The following MEGF11 variants were observed in gnomAD, a reference collection of about 807,000 sequenced individuals.
MEGF11 encodes the protein multiple EGF like domains 11.
MEGF11 carries 126 observed loss-of-function variants against 146.6 expected under a neutral mutation model. The observed-to-expected ratio is 0.86, with a 90% CI of 0.74 to 1.00. The LOEUF (loss-of-function observed/expected upper bound fraction) is 1.00, where lower values mean the gene tolerates loss of function less well. MEGF11 is among the 50% of genes least tolerant of loss of function. MEGF11 has a pLI of 0.00. For missense variants in MEGF11, 1,509 were observed against 1,521.2 expected (o/e 0.99, Z 0.13); for synonymous variants, 532 against 583.4 (o/e 0.91, Z 1.27).
At chr15:66,243,195 G>A (rs1378376934) in intron 1 of MEGF11, among the ~76,000 whole-genome samples, 1 of 152,222 alleles carries the variant, frequency 6.6e-6, no homozygotes, top group Non-Finnish European at 1.5e-5. Context: ...GGCCGGAGAA[G>A]CTGATTCCTG....
At chr15:66,065,479 G>A (rs1021530660) in intron 5 of MEGF11, among the ~76,000 whole-genome samples, 9 of 152,256 alleles carry the variant, frequency 5.9e-5, no homozygotes, top group African/African-American at 1.4e-4. Flanking sequence ...ACTGGGGTCC[G>A]CACTGGTTGG....
At chr15:66,238,376 T>C (rs944648100) in intron 1 of MEGF11, among the ~76,000 whole-genome samples, 5 of 152,188 alleles carry the variant, frequency 3.3e-5, no homozygotes, top group African/African-American at 9.6e-5. Flanking sequence ...AAAAAGAAAA[T>C]GCATGTGTTG....
chr15:65,925,268 G>A (rs75299678), intron 13 of MEGF11, among the ~76,000 whole-genome samples: 5,308 of 152,238 alleles, frequency 0.035, 139 homozygotes, highest in Middle Eastern at 0.085. Flanking sequence ...TGTCAAAAGG[G>A]GTCCTCATTT....
rs143041177 is a variant in MEGF11, at chr15:66,108,527, G to C, written c.301+10559C>G. Among the ~76,000 whole-genome samples the C allele has an allele frequency of 4.3e-3, 660 of 152,302 alleles. 11 individuals are homozygous for C. Among genetic ancestry groups the C allele is most frequent in the South Asian group, 0.034 (163 of 4,820 alleles). On this transcript the variant is annotated intron_variant, in intron 4 of 25. Transcript: ENST00000395614. Reference sequence around the variant, plus strand: ...TAAGAGGGTATAGAAAGATGTCAGGGAGGAGGCCGCCATTGCAGACGGGGC... The same window carrying C: ...TAAGAGGGTATAGAAAGATGTCAGGCAGGAGGCCGCCATTGCAGACGGGGC...
chr15:65,959,526 A>G (rs1220179033), intron 9 of MEGF11, among the ~76,000 whole-genome samples: 1 of 152,234 alleles, frequency 6.6e-6, no homozygotes, highest in Non-Finnish European at 1.5e-5. Context: ...ATCTGAGGCT[A>G]CATATCAGGA....
At chr15:66,169,108 C>G (rs1375434001) in intron 1 of MEGF11, among the ~76,000 whole-genome samples, 1 of 152,230 alleles carries the variant, frequency 6.6e-6, no homozygotes, top group African/African-American at 2.4e-5. Context: ...TGTTAGACTG[C>G]ACTATCTGGT....
At chr15:66,248,646 T>G (rs755500782) in intron 1 of MEGF11, among the ~76,000 whole-genome samples, 1 of 152,248 alleles carries the variant, frequency 6.6e-6, no homozygotes, top group Non-Finnish European at 1.5e-5. Context: ...GTCTCAACAT[T>G]ACTGACCAGG....
intron 4 of MEGF11, among the ~76,000 whole-genome samples, chr15:66,102,433 C>CT (rs753433380): frequency 0.017 from 2,273 of 130,322 alleles, 78 homozygotes; most frequent in African/African-American, 0.051. Flanking sequence ...TAAACATTTT[C>CT]TTTTTTTTTT....
At chr15:66,083,948 T>A (rs1403928936) in intron 5 of MEGF11, among the ~76,000 whole-genome samples, 1 of 152,194 alleles carries the variant, frequency 6.6e-6, no homozygotes, top group African/African-American at 2.4e-5. Context: ...AAAATGACAC[T>A]ATCAACAGAG....
chr15:66,067,368 C>A (rs902109189), intron 5 of MEGF11, among the ~76,000 whole-genome samples: 2 of 152,238 alleles, frequency 1.3e-5, no homozygotes, highest in African/African-American at 4.8e-5. Flanking sequence ...ACATCTGTCA[C>A]CTTATTAGAG....
At chr15:66,188,895 G>A (rs761673678) in intron 1 of MEGF11, among the ~76,000 whole-genome samples, 1 of 152,160 alleles carries the variant, frequency 6.6e-6, no homozygotes, top group Non-Finnish European at 1.5e-5. Context: ...GCAGGGCTGG[G>A]CAAAGTTGCC....
At chr15:66,056,814 G>A (rs549608858) in intron 5 of MEGF11, among the ~76,000 whole-genome samples, 3 of 152,150 alleles carry the variant, frequency 2.0e-5, no homozygotes, top group South Asian at 2.1e-4. Flanking sequence ...TGACAGCGTC[G>A]GATTCATCAC....
chr15:66,102,815 C>T (rs1450418289), intron 4 of MEGF11, among the ~76,000 whole-genome samples: 1 of 152,190 alleles, frequency 6.6e-6, no homozygotes, highest in African/African-American at 2.4e-5. Context: ...ACCCAGGGTT[C>T]CTTCCCAGAA....
intron 24 of MEGF11, among the ~76,000 whole-genome samples, chr15:65,904,855 A>T (rs2078580214): frequency 6.6e-6 from 1 of 152,200 alleles, no homozygotes. Flanking sequence ...TGTTAGATTT[A>T]GGATATGCAT....
At chr15:66,042,401 C>A (rs934932099) in intron 5 of MEGF11, among the ~76,000 whole-genome samples, 5 of 152,102 alleles carry the variant, frequency 3.3e-5, no homozygotes, top group African/African-American at 1.2e-4. Flanking sequence ...TGAGCCACCA[C>A]ACCCGGCCAA....
chr15:66,131,781 T>C (rs542672911), intron 1 of MEGF11, among the ~76,000 whole-genome samples: 3 of 152,360 alleles, frequency 2.0e-5, no homozygotes, highest in African/African-American at 4.8e-5. Flanking sequence ...GCTTAGACTC[T>C]GAGAAGACCC....
intron 5 of MEGF11, among the ~76,000 whole-genome samples, chr15:66,033,626 C>A (rs1385747207): frequency 6.6e-6 from 1 of 152,246 alleles, no homozygotes; most frequent in Admixed American, 6.5e-5. Flanking sequence ...CAGGCATAGG[C>A]TGATCCCAGC....
intron 1 of MEGF11, among the ~76,000 whole-genome samples, chr15:66,229,283 C>T (rs941541199): frequency 1.3e-5 from 2 of 151,960 alleles, no homozygotes; most frequent in African/African-American, 4.8e-5. Context: ...CTTCCCCAGC[C>T]CCAATGCGCA....
chr15:66,061,084 AC>A (rs2084888699), intron 5 of MEGF11, among the ~76,000 whole-genome samples: 1 of 152,160 alleles, frequency 6.6e-6, no homozygotes, highest in African/African-American at 2.4e-5. Context: ...GGTTACAGAG[AC>A]CTGGGCCTCA....
Sources: gnomAD v4.1 joint callset for allele counts (sites outside exome capture counted in the v4.1 genomes callset) on GRCh38, gnomAD v4.1.1 for gene constraint, MANE v1.5 for transcripts, NCBI Gene and HGNC (gene_info 2026-07-23, HGNC 2026-07-21) for gene names.